GMDS: variants seen among roughly 807,000 people sequenced by gnomAD.
GMDS encodes GDP-mannose 4,6 dehydratase.
In GMDS, 20 loss-of-function variants were observed where a neutral mutation model predicts 49.9. That is an observed-to-expected ratio of 0.40 (90% CI 0.28 to 0.58). GMDS has a LOEUF of 0.58. Among genes scored for constraint, GMDS ranks in the 20% least tolerant of loss-of-function variants. The pLI is 0.42. For missense variants in GMDS, 362 were observed against 481.4 expected (o/e 0.75, Z 2.32); for synonymous variants, 177 against 178.6 (o/e 0.99, Z 0.07).
rs986893382 is a variant in GMDS, at chr6:1,868,459, G to A, written c.771+61644C>T. Among the ~76,000 whole-genome samples, 4 of 152,324 alleles carry A rather than the reference G, an allele frequency of 2.6e-5. No homozygotes were observed. The South Asian group carries it at 8.3e-4, about 32-fold the overall frequency. On this transcript the variant is annotated intron_variant, in intron 7 of 10. Coordinates refer to ENST00000380815, the MANE Select transcript of GMDS (RefSeq NM_001500.4). ...CAGTGATCCCGGTTGAATGCATTTAGTTTCCCAGACCCTTCATCACAAGAC... is the reference window on the plus strand; with the variant it reads ...CAGTGATCCCGGTTGAATGCATTTAATTTCCCAGACCCTTCATCACAAGAC...
At chr6:1,624,854 T>TATA (rs1250569881) in intron 9 of GMDS, 4 of 200,002 alleles carry the variant, frequency 2.0e-5, no homozygotes, top group Non-Finnish European at 3.3e-5. Context: ...TTTTTTTTTT[T>TATA]ATAACATGAA....
chr6:1,793,560 T>C (rs1383347438), intron 7 of GMDS, among the ~76,000 whole-genome samples: 3 of 152,164 alleles, frequency 2.0e-5, no homozygotes, highest in Non-Finnish European at 4.4e-5. Context: ...GACACCTGGA[T>C]GTTTCTGAGC....
At chr6:1,883,172 C>G (rs1264318946) in intron 7 of GMDS, among the ~76,000 whole-genome samples, 1 of 152,034 alleles carries the variant, frequency 6.6e-6, no homozygotes, top group African/African-American at 2.4e-5. Context: ...GCAGAAGAAT[C>G]ACGAGGTCAA....
chr6:1,811,725 C>G (rs1473624616), intron 7 of GMDS, among the ~76,000 whole-genome samples: 1 of 152,276 alleles, frequency 6.6e-6, no homozygotes, highest in Middle Eastern at 3.4e-3. Context: ...CCACTGCACA[C>G]AGTAGGCACT....
At chr6:1,633,212 GT>G (rs1292162998) in intron 9 of GMDS, among the ~76,000 whole-genome samples, 1 of 152,182 alleles carries the variant, frequency 6.6e-6, no homozygotes, top group Non-Finnish European at 1.5e-5. Flanking sequence ...CTGTTTTATA[GT>G]TTTTCTTTGA....
intron 7 of GMDS, among the ~76,000 whole-genome samples, chr6:1,759,879 C>T (rs1251236733): frequency 1.3e-5 from 2 of 152,110 alleles, no homozygotes; most frequent in Non-Finnish European, 1.5e-5. Context: ...GTGATGTGTC[C>T]CTGTGCCTAC....
intron 1 of GMDS, among the ~76,000 whole-genome samples, chr6:2,186,665 G>GA (rs1484609810): frequency 2.6e-5 from 4 of 151,876 alleles, no homozygotes; most frequent in African/African-American, 4.8e-5. Context: ...TTAATTTAGA[G>GA]AAAAAAAATC....
intron 7 of GMDS, among the ~76,000 whole-genome samples, chr6:1,776,819 T>G (rs3800057): frequency 6.6e-6 from 1 of 151,622 alleles, no homozygotes. Flanking sequence ...TCTGGGCACT[T>G]AGCTTGCCTG....
chr6:1,994,621 T>G (rs901812486), intron 4 of GMDS, among the ~76,000 whole-genome samples: 4 of 152,064 alleles, frequency 2.6e-5, no homozygotes, highest in Admixed American at 1.3e-4. Context: ...CATTAAAATC[T>G]GTTTACTGCA....
At chr6:1,857,613 T>C (rs1447289993) in intron 7 of GMDS, among the ~76,000 whole-genome samples, 8 of 152,192 alleles carry the variant, frequency 5.3e-5, no homozygotes, top group Non-Finnish European at 1.2e-4. Flanking sequence ...AGTTGGAGAA[T>C]TGCCAAGCAG....
chr6:2,226,174 C>T (rs1255037283), intron 1 of GMDS, among the ~76,000 whole-genome samples: 2 of 152,222 alleles, frequency 1.3e-5, no homozygotes, highest in African/African-American at 4.8e-5. Flanking sequence ...CTCTTCTGGA[C>T]ACTCACCAAC....
intron 4 of GMDS, among the ~76,000 whole-genome samples, chr6:2,066,162 C>G (rs1242192092): frequency 2.6e-5 from 4 of 151,302 alleles, no homozygotes; most frequent in Non-Finnish European, 4.4e-5. Context: ...TCATATCCAG[C>G]CAAACTAAGC....
intron 7 of GMDS, among the ~76,000 whole-genome samples, chr6:1,922,866 G>A (rs143719094): frequency 4.2e-4 from 64 of 152,290 alleles, no homozygotes; most frequent in African/African-American, 1.0e-3. Flanking sequence ...GTTCAGCTGC[G>A]TCCCCTTTCA....
intron 1 of GMDS, among the ~76,000 whole-genome samples, chr6:2,231,640 G>A (rs1260814463): frequency 1.3e-5 from 2 of 152,056 alleles, no homozygotes; most frequent in Non-Finnish European, 1.5e-5. Context: ...ACCAACAAAC[G>A]AATGCTTACC....
At chr6:2,212,439 A>C (rs1313428163) in intron 1 of GMDS, among the ~76,000 whole-genome samples, 1 of 152,240 alleles carries the variant, frequency 6.6e-6, no homozygotes, top group African/African-American at 2.4e-5. Flanking sequence ...GCAACAAAAA[A>C]ATCAACAGGA....
At chr6:1,667,672 A>C (rs1375981138) in intron 9 of GMDS, among the ~76,000 whole-genome samples, 1 of 152,002 alleles carries the variant, frequency 6.6e-6, no homozygotes, top group Admixed American at 6.6e-5. Context: ...GTCTAATGGC[A>C]ACATGGAATG....
intron 4 of GMDS, among the ~76,000 whole-genome samples, chr6:2,015,073 T>C (rs1767805546): frequency 6.6e-6 from 1 of 152,122 alleles, no homozygotes; most frequent in Non-Finnish European, 1.5e-5. Context: ...ACATGACTAA[T>C]AATGCAAGGG....
intron 8 of GMDS, among the ~76,000 whole-genome samples, chr6:1,741,855 G>A (rs1332923408): frequency 2.2e-5 from 3 of 136,346 alleles, no homozygotes; most frequent in Non-Finnish European, 4.8e-5. Context: ...CTTATATTGA[G>A]ACAAAACATT....
intron 1 of GMDS, among the ~76,000 whole-genome samples, chr6:2,230,321 GAGA>G (rs1409726224): frequency 6.6e-6 from 1 of 152,112 alleles, no homozygotes; most frequent in South Asian, 2.1e-4. Context: ...TATATTTAAA[GAGA>G]AGAAAAACCA....
Sources: gnomAD v4.1 joint callset for allele counts (sites outside exome capture counted in the v4.1 genomes callset) on GRCh38, gnomAD v4.1.1 for gene constraint, MANE v1.5 for transcripts, NCBI Gene and HGNC (gene_info 2026-07-23, HGNC 2026-07-21) for gene names.